THRB: variants seen among roughly 807,000 people sequenced by gnomAD.
THRB encodes nuclear receptor subfamily 1 group A member 2.
In THRB, 12 loss-of-function variants were observed where a neutral mutation model predicts 47.8. That is an observed-to-expected ratio of 0.25 (90% CI 0.16 to 0.41). THRB has a LOEUF of 0.41. Among genes scored for constraint, THRB ranks in the 10% least tolerant of loss-of-function variants. The probability of loss-of-function intolerance (pLI) is 1.00; values close to 1 mark genes in which losing one functional copy is unlikely to be tolerated. For synonymous variants in THRB, 218 were observed against 212.2 expected, an observed-to-expected ratio of 1.03 and a Z score of -0.24; for missense variants, 348 against 589.2, an observed-to-expected ratio of 0.59 and a Z score of 4.24.
intron 7 of THRB, chr3:24,144,110 A>G (rs150076820): frequency 1.1e-3 from 240 of 226,854 alleles, no homozygotes; most frequent in African/African-American, 4.8e-3. Flanking sequence ...CGCTTCCCCT[A>G]AAACGGCTCT....
At chr3:24,248,813 C>T (rs1467767415) in intron 3 of THRB, among the ~76,000 whole-genome samples, 1 of 152,164 alleles carries the variant, frequency 6.6e-6, no homozygotes, top group Non-Finnish European at 1.5e-5. Flanking sequence ...GGACTACTTC[C>T]TTGAGTTCTT....
intron 1 of THRB, among the ~76,000 whole-genome samples, chr3:24,456,788 A>G (rs891912592): frequency 3.6e-4 from 54 of 152,062 alleles, no homozygotes; most frequent in African/African-American, 1.3e-3. Flanking sequence ...TATATAAGAT[A>G]AACTTACTAA....
At chr3:24,137,907 T>C (rs2034894687) in intron 8 of THRB, among the ~76,000 whole-genome samples, 1 of 152,002 alleles carries the variant, frequency 6.6e-6, no homozygotes, top group Non-Finnish European at 1.5e-5. Context: ...CAGTTGTATA[T>C]TGGCAGCTGA....
chr3:24,291,492 G>T (rs1048393013), intron 3 of THRB, among the ~76,000 whole-genome samples: 3 of 152,118 alleles, frequency 2.0e-5, no homozygotes, highest in African/African-American at 4.8e-5. Flanking sequence ...ATACAAAAGG[G>T]TGTAATATTT....
intron 1 of THRB, among the ~76,000 whole-genome samples, chr3:24,384,688 T>C (rs1437297832): frequency 6.6e-6 from 1 of 152,162 alleles, no homozygotes; most frequent in Non-Finnish European, 1.5e-5. Context: ...AGAGTTCTTA[T>C]ACAAGGGACC....
At chr3:24,184,645 G>GCTAT (rs1458789902) in intron 5 of THRB, among the ~76,000 whole-genome samples, 10 of 152,162 alleles carry the variant, frequency 6.6e-5, no homozygotes, top group African/African-American at 2.4e-4. Context: ...AAATCACACA[G>GCTAT]CTATCTGACA....
At chr3:24,263,315 C>A (rs2052278898) in intron 3 of THRB, among the ~76,000 whole-genome samples, 1 of 152,042 alleles carries the variant, frequency 6.6e-6, no homozygotes, top group Non-Finnish European at 1.5e-5. Flanking sequence ...CCTTACAAAA[C>A]CACTGTGAAT....
At chr3:24,178,642 A>T (rs747815487) in intron 5 of THRB, among the ~76,000 whole-genome samples, 4 of 152,244 alleles carry the variant, frequency 2.6e-5, no homozygotes, top group Non-Finnish European at 5.9e-5. Context: ...AACCTGGAGG[A>T]CATTATGCTA....
chr3:24,354,639 G>C (rs2063556139), intron 1 of THRB, among the ~76,000 whole-genome samples: 1 of 152,092 alleles, frequency 6.6e-6, no homozygotes, highest in African/African-American at 2.4e-5. Context: ...CGAATGGAAG[G>C]GTAGGAGGGG....
intron 1 of THRB, among the ~76,000 whole-genome samples, chr3:24,373,246 G>T (rs1183944051): frequency 1.3e-5 from 2 of 152,152 alleles, no homozygotes; most frequent in Non-Finnish European, 2.9e-5. Flanking sequence ...AACTGAAGGA[G>T]CCTCTGGCTG....
rs116114251 is a variant in THRB at position 24,159,883 on chromosome 3, A to G, written c.284-7393T>C. Reference sequence around the variant, plus strand: ...TATGGCCCCAATGTCAATAGTGCCAAGGTTAAGAAACCCTAGTCTAATATA... The same window carrying G: ...TATGGCCCCAATGTCAATAGTGCCAGGGTTAAGAAACCCTAGTCTAATATA... On this transcript the variant is annotated intron_variant, in intron 5 of 10. Coordinates refer to ENST00000646209, the MANE Select transcript of THRB (RefSeq NM_001354712.2). Among the ~76,000 whole-genome samples the G allele has an allele frequency of 6.1e-3, 926 of 152,310 alleles. 8 individuals are homozygous for G. The highest frequency in any genetic ancestry group is 0.021 in the African/African-American group (873 of 41,562).
chr3:24,394,051 A>G (rs1030272700), intron 1 of THRB, among the ~76,000 whole-genome samples: 2 of 152,138 alleles, frequency 1.3e-5, no homozygotes. Context: ...TTTTATTTCT[A>G]TATCATAGAA....
At chr3:24,200,968 G>A (rs1271245304) in intron 4 of THRB, among the ~76,000 whole-genome samples, 1 of 152,100 alleles carries the variant, frequency 6.6e-6, no homozygotes, top group Non-Finnish European at 1.5e-5. Context: ...GGTATGTAAT[G>A]CTCCCCTAGG....
intron 1 of THRB, among the ~76,000 whole-genome samples, chr3:24,349,226 T>C (rs1347390523): frequency 6.6e-6 from 1 of 152,084 alleles, no homozygotes; most frequent in African/African-American, 2.4e-5. Flanking sequence ...CAATACATGA[T>C]CATAGATTGG....
At chr3:24,478,479 C>T (rs62230460) in intron 1 of THRB, among the ~76,000 whole-genome samples, 4,537 of 152,028 alleles carry the variant, frequency 0.03, 95 homozygotes, top group South Asian at 0.057. Flanking sequence ...CTTTATTGTA[C>T]TGAGCAGAAA....
chr3:24,342,460 G>T (rs1433689341), intron 1 of THRB, among the ~76,000 whole-genome samples: 20 of 152,232 alleles, frequency 1.3e-4, no homozygotes. Context: ...GCTTTAACTG[G>T]CCACTCCAGC....
chr3:24,180,389 A>G (rs2041741962), intron 5 of THRB, among the ~76,000 whole-genome samples: 1 of 152,236 alleles, frequency 6.6e-6, no homozygotes, highest in Non-Finnish European at 1.5e-5. Flanking sequence ...TGTCTTTATC[A>G]TATAGACAAT....
chr3:24,189,492 T>C (rs1159071666), intron 5 of THRB, among the ~76,000 whole-genome samples: 1 of 151,574 alleles, frequency 6.6e-6, no homozygotes, highest in Non-Finnish European at 1.5e-5. Context: ...TTAAATCTAA[T>C]GCAATCAGGA....
intron 2 of THRB, among the ~76,000 whole-genome samples, chr3:24,329,113 AT>A: frequency 6.6e-6 from 1 of 151,618 alleles, no homozygotes; most frequent in East Asian, 1.9e-4. Flanking sequence ...TGCCCCTCTA[AT>A]TTTTTGATTT....
Sources: gnomAD v4.1 joint callset for allele counts (sites outside exome capture counted in the v4.1 genomes callset) on GRCh38, gnomAD v4.1.1 for gene constraint, MANE v1.5 for transcripts, NCBI Gene and HGNC (gene_info 2026-07-23, HGNC 2026-07-21) for gene names.